The following RBBP6 variants were observed in gnomAD, a reference collection of about 807,000 sequenced individuals.
RBBP6 encodes the protein RB binding protein 6, ubiquitin ligase, also known as E3 ubiquitin-protein ligase RBBP6.
Under a neutral mutation model 167.7 loss-of-function variants are expected in RBBP6, and 25 were observed. The ratio of observed to expected loss-of-function variants is 0.15; its 90% CI spans 0.11 to 0.21. The LOEUF (loss-of-function observed/expected upper bound fraction) is 0.21. Ranked by LOEUF, RBBP6 falls within the 10% of genes least tolerant of loss-of-function variation. The probability of loss-of-function intolerance (pLI) is 1.00; values close to 1 mark genes in which losing one functional copy is unlikely to be tolerated. For synonymous variants in RBBP6, 789 were observed against 735.8 expected (o/e 1.07, Z -1.17); for missense variants, 1,868 against 2,134.2 (o/e 0.88, Z 2.46).
rs180955373 is a variant in RBBP6 at position 24,560,120 on chromosome 16, T to G, written c.847+443T>G. On this transcript the variant is annotated intron_variant, in intron 8 of 17. Coordinates refer to ENST00000319715, the MANE Select transcript of RBBP6 (RefSeq NM_006910.5). ...CCTGTAGACAGTTTTTGTTTTTTTT[T>G]TTTTTTTTTGAGACAGAGTCTCACT... 6.4e-3 allele frequency among the ~76,000 whole-genome samples: 963 copies of G among 149,928 alleles called. 26 individuals carry two copies. The highest frequency in any genetic ancestry group is 0.042 in the Admixed American group (639 of 15,100).
Position 24,564,883 on chromosome 16 carries a change from C to G in RBBP6, c.1589+18C>G. 6.2e-7 allele frequency: 1 copy of G among 1,603,828 alleles called. No homozygotes were observed. The highest frequency in any genetic ancestry group is 8.5e-7 in the Non-Finnish European group (1 of 1,175,712). ...TGCTACAGGTAGGCATGCTAAAAAT[C>G]TTGGAAAATAATCATCTTATTTTTT... On this transcript the variant is annotated intron_variant, in intron 14 of 17. Coordinates refer to ENST00000319715, the MANE Select transcript of RBBP6 (RefSeq NM_006910.5).
At chr16:24,550,870 A>G (rs1898779837) in intron 3 of RBBP6, among the ~76,000 whole-genome samples, 1 of 151,870 alleles carries the variant, frequency 6.6e-6, no homozygotes. Context: ...AGATGAGAAT[A>G]TATTCATCAA....
chr16:24,568,094 A>T (rs527520067), intron 16 of RBBP6, among the ~76,000 whole-genome samples: 1 of 152,250 alleles, frequency 6.6e-6, no homozygotes, highest in East Asian at 1.9e-4. Context: ...TAGAACTAAC[A>T]GTTGTGGGGA....
chr16:24,559,495 T>G lies in RBBP6; in HGVS notation c.675-10T>G, dbSNP rs1898997267. 1 of 1,585,296 alleles carries G rather than the reference T, an allele frequency of 6.3e-7. No individual in the cohort carries two copies. Among genetic ancestry groups the G allele is most frequent in the Admixed American group, 1.8e-5 (1 of 54,332 alleles). On this transcript the variant is annotated splice_polypyrimidine_tract_variant and intron_variant, in intron 7 of 17. Coordinates refer to ENST00000319715, the MANE Select transcript of RBBP6 (RefSeq NM_006910.5). ...TAACAATGGTAAAACATGAAAACTT[T>G]CTTTTACAGAGAAGCATATGCAATT...
intron 2 of RBBP6, 149 bp from the exon 3 acceptor site, chr16:24,548,796 T>G (rs1297612605): frequency 1.5e-6 from 1 of 656,508 alleles, no homozygotes; most frequent in African/African-American, 1.8e-5. Context: ...CAGAGTAATT[T>G]ATTCATTCAG....
intron 14 of RBBP6, 77 bp from the exon 15 acceptor site, chr16:24,567,066 T>C: frequency 1.4e-6 from 2 of 1,418,860 alleles, no homozygotes; most frequent in South Asian, 1.4e-5. Flanking sequence ...AAAATAATTA[T>C]GGATAGAAGA....
rs745403187 is a variant in RBBP6 at position 24,571,347 on chromosome 16, A to G, written c.4281A>G (p.Lys1427=). ...GGAAGAACAGCACTCAGCCAGAGAA[A>G]GAGAGTAATTTGGACCGTCTGAATG... is the stretch of plus-strand genomic sequence containing the variant. ...EKRKNSTQPE[K]ESNLDRLNEQ... Residue 1427 remains lysine (K), a synonymous_variant, in exon 18 of 18, where the codon AAA becomes AAG. Transcript: ENST00000319715. The G allele has an allele frequency of 5.6e-6, 9 of 1,614,170 alleles. No individual in the cohort carries two copies. In the East Asian group the frequency reaches 8.9e-5, roughly 16 times the overall value.
At chr16:24,558,376 CTTTTTTTCT>C in intron 7 of RBBP6, 1 of 698,392 alleles carries the variant, frequency 1.4e-6, no homozygotes, top group East Asian at 1.3e-4. Context: ...CTGTTCTCCT[CTTTTTTTCT>C]TTTTTTTTTT....
intron 3 of RBBP6, among the ~76,000 whole-genome samples, chr16:24,549,763 G>T (rs763748884): frequency 6.6e-6 from 1 of 151,942 alleles, no homozygotes; most frequent in Non-Finnish European, 1.5e-5. Context: ...TCTAGTTAGT[G>T]CAGATGTCCA....
At chr16:24,549,480 G>T (rs759263386) in intron 3 of RBBP6, 8 of 656,948 alleles carry the variant, frequency 1.2e-5, no homozygotes, top group Non-Finnish European at 1.5e-5. Flanking sequence ...TTCCAAAAAC[G>T]CATTAGCAAC....
chr16:24,549,409 C>T, intron 3 of RBBP6: 1 of 990,556 alleles, frequency 1.0e-6, no homozygotes, highest in African/African-American at 1.7e-5. Context: ...GTATATTTTG[C>T]CATTTTCACG....
intron 1 of RBBP6, among the ~76,000 whole-genome samples, chr16:24,545,529 C>G (rs1022152483): frequency 6.6e-6 from 1 of 152,118 alleles, no homozygotes; most frequent in Non-Finnish European, 1.5e-5. Flanking sequence ...CAAGCCGTTT[C>G]GTATCATTTT....
In RBBP6 at chr16:24,571,526, G is replaced by A. The variant is rs182640546; in HGVS notation, c.4460G>A (p.Arg1487His). The change falls in exon 18 of 18, where the codon CGT (arginine) becomes CAT (histidine). Residue 1487 changes from arginine to histidine, a missense_variant. By Grantham distance (29) the Arg-to-His change is conservative. Around this residue, in one of 7 missense-constraint regions of RBBP6, gnomAD observed 591 missense variants for 540.5 expected, o/e 1.09. Coordinates refer to ENST00000319715, the MANE Select transcript of RBBP6 (RefSeq NM_006910.5). Reference protein sequence around the residue: ...YDTREYSSSKRRDEKNELTRR... With the variant: ...YDTREYSSSKHRDEKNELTRR... ...ACCAGAGAGTATTCAAGTTCCAAAC[G>A]TAGAGATGAAAAGAATGAATTAACA... is the stretch of plus-strand genomic sequence containing the variant. 282 of 1,613,550 alleles carry A rather than the reference G, an allele frequency of 1.7e-4. No individual in the cohort carries two copies. The highest frequency in any genetic ancestry group is 1.7e-3 in the South Asian group (155 of 90,938).
chr16:24,568,681 A>G, intron 16 of RBBP6, 64 bp from the exon 17 acceptor site: 2 of 1,516,368 alleles, frequency 1.3e-6, no homozygotes, highest in Non-Finnish European at 1.8e-6. Context: ...CTAGAATCTG[A>G]GAGTCTGTGT....
chr16:24,569,071 A>C lies in RBBP6; in HGVS notation c.2381A>C (p.Glu794Ala). The part of the protein sequence containing the change: ...RNVPQGETER[E>A]YFNRYREVPP... Reference sequence around the variant, plus strand: ...GTACCTCAAGGGGAAACAGAACGTGAATATTTTAATAGATACAGAGAAGTT... The same window carrying C: ...GTACCTCAAGGGGAAACAGAACGTGCATATTTTAATAGATACAGAGAAGTT... The change falls in exon 17 of 18, where the codon GAA (glutamate) becomes GCA (alanine). Residue 794 changes from glutamate to alanine, a missense_variant. By Grantham distance (107) the Glu-to-Ala change is moderately radical. Around this residue, in one of 7 missense-constraint regions of RBBP6, gnomAD observed 673 missense variants for 691.5 expected, o/e 0.97. Coordinates refer to ENST00000319715, the MANE Select transcript of RBBP6 (RefSeq NM_006910.5). 1 of 1,614,190 alleles carries C rather than the reference A, an allele frequency of 6.2e-7. No homozygotes were observed. Among genetic ancestry groups the C allele is most frequent in the Non-Finnish European group, 8.5e-7 (1 of 1,180,014 alleles).
intron 13 of RBBP6, 79 bp downstream of exon 13, chr16:24,563,743 T>C: frequency 7.2e-7 from 1 of 1,388,912 alleles, no homozygotes; most frequent in Non-Finnish European, 1.0e-6. Context: ...GCAAACTAGA[T>C]AATGGAAGGT....
chr16:24,572,379 G>A lies in RBBP6; in HGVS notation c.5313G>A (p.Lys1771=). The change falls in exon 18 of 18, where the codon AAG becomes AAA. Residue 1771 remains lysine, a synonymous_variant. Coordinates refer to ENST00000319715, the MANE Select transcript of RBBP6 (RefSeq NM_006910.5). ...QKHKHKKKKS[K]KNKDKEKEKE... The stretch of plus-strand genomic sequence containing the variant: ...ACAAACACAAGAAAAAGAAGTCAAA[G>A]AAGAACAAAGATAAAGAGAAGGAGA... 1.3e-6 allele frequency: 2 copies of A among 1,549,206 alleles called. No homozygotes were observed. Among genetic ancestry groups the A allele is most frequent in the Non-Finnish European group, 1.7e-6 (2 of 1,146,372 alleles).
At chr16:24,556,556 T>C in intron 7 of RBBP6, 109 bp downstream of exon 7, 1 of 1,258,180 alleles carries the variant, frequency 7.9e-7, no homozygotes, top group African/African-American at 1.5e-5. Flanking sequence ...GAGAACTTTG[T>C]ATACCAAAGC....
intron 7 of RBBP6, among the ~76,000 whole-genome samples, chr16:24,556,996 T>C (rs963783944): frequency 2.3e-5 from 1 of 44,224 alleles, no homozygotes; most frequent in African/African-American, 1.0e-4. Flanking sequence ...CCTTAATGCC[T>C]TTTTTTTTTT....
Sources: allele counts gnomAD v4.1 joint callset (sites outside exome capture counted in the v4.1 genomes callset), GRCh38; gene constraint gnomAD v4.1.1; regional missense constraint gnomAD v4.1.1; transcripts MANE v1.5; gene names NCBI Gene and HGNC (gene_info 2026-07-23, HGNC 2026-07-21).